The following LOXHD1 variants were observed in gnomAD, a reference collection of about 807,000 sequenced individuals.
LOXHD1 encodes the protein lipoxygenase homology PLAT domains 1, also known as lipoxygenase homology domain-containing protein 1.
In LOXHD1, 205 loss-of-function variants were observed where a neutral mutation model predicts 248.2. That is an observed-to-expected ratio of 0.83 (90% CI 0.74 to 0.93). The LOEUF (loss-of-function observed/expected upper bound fraction) is 0.93, where lower values mean the gene tolerates loss of function less well. LOXHD1 is among the 40% of genes least tolerant of loss of function. The probability of loss-of-function intolerance (pLI) is 0.00; values close to 1 mark genes in which losing one functional copy is unlikely to be tolerated. For synonymous variants in LOXHD1, 1,113 were observed against 1,162.8 expected (o/e 0.96, Z 0.87); for missense variants, 2,930 against 2,971.6 (o/e 0.99, Z 0.33).
intron 28 of LOXHD1, among the ~76,000 whole-genome samples, chr18:46,529,866 G>A (rs1459676816): frequency 2.0e-5 from 3 of 152,080 alleles, no homozygotes; most frequent in South Asian, 2.1e-4. Flanking sequence ...TGCCCCAGCG[G>A]TTCAGGTCAA....
intron 21 of LOXHD1, among the ~76,000 whole-genome samples, chr18:46,554,929 T>A (rs1398677441): frequency 3.3e-5 from 5 of 152,106 alleles, no homozygotes; most frequent in African/African-American, 1.2e-4. Context: ...GGCATAACAA[T>A]CAAAATTCCA....
chr18:46,638,397 C>T (rs572799987), intron 4 of LOXHD1, among the ~76,000 whole-genome samples: 2 of 152,234 alleles, frequency 1.3e-5, no homozygotes, highest in African/African-American at 4.8e-5. Flanking sequence ...TTTGGGAGGC[C>T]GAGGTGGGTG....
intron 18 of LOXHD1, among the ~76,000 whole-genome samples, 179 bp from the exon 19 acceptor site, chr18:46,560,724 C>T (rs552810534): frequency 4.6e-5 from 7 of 152,324 alleles, no homozygotes; most frequent in Non-Finnish European, 7.3e-5. Context: ...CACACCTGTC[C>T]TGGGTCCCCT....
chr18:46,502,920 C>T (rs998427159), intron 37 of LOXHD1, among the ~76,000 whole-genome samples: 7 of 152,192 alleles, frequency 4.6e-5, no homozygotes, highest in African/African-American at 1.7e-4. Context: ...GGGGATACCA[C>T]TTCTTCCTTC....
chr18:46,612,267 C>A (rs531473201), intron 5 of LOXHD1, among the ~76,000 whole-genome samples: 1 of 152,272 alleles, frequency 6.6e-6, no homozygotes, highest in Admixed American at 6.5e-5. Context: ...GCTTCTGAAC[C>A]CTGAGGTGTG....
intron 1 of LOXHD1, 145 bp downstream of exon 1, chr18:46,656,759 G>A: frequency 2.0e-6 from 2 of 980,870 alleles, no homozygotes; most frequent in Non-Finnish European, 1.5e-6. Flanking sequence ...TTCTTACTCC[G>A]AGGGGATATG....
intron 5 of LOXHD1, among the ~76,000 whole-genome samples, chr18:46,613,350 A>T (rs1048599662): frequency 6.6e-6 from 1 of 152,118 alleles, no homozygotes; most frequent in Non-Finnish European, 1.5e-5. Context: ...TGCAAATAAT[A>T]TATTTTTAAA....
At position 46,588,684 on chromosome 18, in the gene LOXHD1, C is replaced by T. The variant is rs547403428; in HGVS notation, c.1654+3249G>A. 4.6e-5 allele frequency among the ~76,000 whole-genome samples: 7 copies of T among 152,326 alleles called. No homozygotes were observed. In the South Asian group the frequency reaches 8.3e-4, roughly 18 times the overall value. ...TTTCCACAGCATTCACACTTCAAGA[C>T]CTGCCAGTTCCACCTTCAAAATATT... On this transcript the variant is annotated intron_variant, in intron 12 of 40. Transcript: ENST00000642948.
intron 6 of LOXHD1, among the ~76,000 whole-genome samples, chr18:46,608,257 T>C (rs541259973): frequency 2.6e-5 from 4 of 152,306 alleles, no homozygotes; most frequent in African/African-American, 9.6e-5. Context: ...GTTAACGGAA[T>C]ACAATCCACA....
At chr18:46,516,843 C>T (rs2035280223) in intron 34 of LOXHD1, among the ~76,000 whole-genome samples, 1 of 151,682 alleles carries the variant, frequency 6.6e-6, no homozygotes, top group Non-Finnish European at 1.5e-5. Context: ...CCATCATCAA[C>T]ATCATCATCC....
intron 23 of LOXHD1, 29 bp downstream of exon 23, chr18:46,545,288 T>C: frequency 6.7e-7 from 1 of 1,483,050 alleles, no homozygotes. Flanking sequence ...AGAATGTGGG[T>C]GAATCTTGGC....
intron 37 of LOXHD1, among the ~76,000 whole-genome samples, chr18:46,493,938 C>T (rs534469262): frequency 6.6e-6 from 1 of 152,312 alleles, no homozygotes; most frequent in East Asian, 1.9e-4. Flanking sequence ...TTTTACAAAT[C>T]CCCTAGCCCA....
chr18:46,639,555 T>C (rs2038936085), intron 4 of LOXHD1, 61 bp downstream of exon 4: 1 of 1,509,540 alleles, frequency 6.6e-7, no homozygotes, highest in Non-Finnish European at 8.9e-7. Context: ...GCACGATTCT[T>C]TCCTGGGTGA....
chr18:46,496,181 A>G (rs1219725705), intron 37 of LOXHD1, among the ~76,000 whole-genome samples: 3 of 152,246 alleles, frequency 2.0e-5, no homozygotes, highest in African/African-American at 4.8e-5. Context: ...TTCAAATTTG[A>G]CAGTTCAATA....
intron 16 of LOXHD1, among the ~76,000 whole-genome samples, chr18:46,568,693 C>T (rs1109143): frequency 0.21 from 31,885 of 152,068 alleles, 3,592 homozygotes; most frequent in African/African-American, 0.26. Flanking sequence ...TTCATGTTTT[C>T]CCCCTGACTC....
At chr18:46,559,660 T>C (rs2037468953) in intron 19 of LOXHD1, 58 bp from the exon 20 acceptor site, 3 of 1,521,150 alleles carry the variant, frequency 2.0e-6, no homozygotes, top group South Asian at 2.5e-5. Context: ...TGTTTGGACC[T>C]GAGGCACAGC....
At chr18:46,557,052 C>G (rs1258413039) in intron 21 of LOXHD1, among the ~76,000 whole-genome samples, 1 of 151,506 alleles carries the variant, frequency 6.6e-6, no homozygotes, top group East Asian at 1.9e-4. Flanking sequence ...CACCCTCACC[C>G]TCCAATGTCA....
At chr18:46,565,466 G>A (rs1027095422) in intron 17 of LOXHD1, among the ~76,000 whole-genome samples, 1 of 152,118 alleles carries the variant, frequency 6.6e-6, no homozygotes, top group Admixed American at 6.5e-5. Context: ...TATAAAGCCT[G>A]TGAGCGCAAG....
chr18:46,618,035 G>A (rs2038614029), intron 5 of LOXHD1, among the ~76,000 whole-genome samples, 157 bp downstream of exon 5: 1 of 152,112 alleles, frequency 6.6e-6, no homozygotes, highest in Non-Finnish European at 1.5e-5. Context: ...CTGCTGCCCA[G>A]GACAGGTCAC....
Sources: gnomAD v4.1 joint callset for allele counts (sites outside exome capture counted in the v4.1 genomes callset) on GRCh38, gnomAD v4.1.1 for gene constraint, MANE v1.5 for transcripts, NCBI Gene and HGNC (gene_info 2026-07-23, HGNC 2026-07-21) for gene names.